Variants in TTC28 observed in about 807,000 individuals in gnomAD.
The protein encoded by TTC28 is tetratricopeptide repeat protein 28.
A neutral mutation model predicts 198.0 loss-of-function variants in TTC28; 61 were observed. The ratio of observed to expected loss-of-function variants is 0.31; its 90% CI spans 0.25 to 0.38. The LOEUF is 0.38. TTC28 is among the 10% of genes least tolerant of loss of function. The pLI is 1.00. For missense variants in TTC28, 2,678 were observed against 3,164.0 expected, an observed-to-expected ratio of 0.85 and a Z score of 3.69; for synonymous variants, 1,171 against 1,297.8, an observed-to-expected ratio of 0.90 and a Z score of 2.10.
At chr22:28,677,556 T>A (rs1206013294) in intron 1 of TTC28, among the ~76,000 whole-genome samples, 1 of 152,088 alleles carries the variant, frequency 6.6e-6, no homozygotes, top group Non-Finnish European at 1.5e-5. Context: ...TTAGAATCGC[T>A]GGAATCTGGG....
chr22:28,086,093 A>G (rs1200605926), intron 12 of TTC28, among the ~76,000 whole-genome samples: 1 of 152,128 alleles, frequency 6.6e-6, no homozygotes, highest in African/African-American at 2.4e-5. Flanking sequence ...TGTCAACATT[A>G]GACAGATCAA....
intron 2 of TTC28, among the ~76,000 whole-genome samples, chr22:28,487,878 G>A (rs1240027561): frequency 2.6e-5 from 4 of 152,118 alleles, no homozygotes; most frequent in Non-Finnish European, 5.9e-5. Context: ...TTATTGCTAT[G>A]GAGATTAAGT....
chr22:28,225,216 G>A (rs966483362), intron 5 of TTC28, among the ~76,000 whole-genome samples: 7 of 151,912 alleles, frequency 4.6e-5, no homozygotes, highest in East Asian at 3.9e-4. Flanking sequence ...TTGGCCAGGC[G>A]TGATGGTGCA....
At chr22:28,528,443 G>A (rs887545626) in intron 2 of TTC28, among the ~76,000 whole-genome samples, 5 of 151,948 alleles carry the variant, frequency 3.3e-5, no homozygotes, top group African/African-American at 9.7e-5. Context: ...TAAAAACCCA[G>A]TGTAGGCCAG....
At chr22:28,040,512 A>G (rs2146670576) in intron 12 of TTC28, among the ~76,000 whole-genome samples, 1 of 152,328 alleles carries the variant, frequency 6.6e-6, no homozygotes, top group African/African-American at 2.4e-5. Context: ...AGATGCATGA[A>G]AGGCCTTTGA....
chr22:28,494,236 T>C (rs1398127073), intron 2 of TTC28, among the ~76,000 whole-genome samples: 3 of 152,190 alleles, frequency 2.0e-5, no homozygotes, highest in African/African-American at 7.2e-5. Context: ...CTTGAGTCTG[T>C]ACTCCACTCT....
intron 2 of TTC28, among the ~76,000 whole-genome samples, chr22:28,415,917 C>T (rs997498637): frequency 2.0e-5 from 3 of 152,266 alleles, no homozygotes; most frequent in Middle Eastern, 3.4e-3. Flanking sequence ...TTTTAAAATA[C>T]TAAATGTATA....
chr22:28,281,834 G>GAATCTGTCCTCATATGCC (rs1460789830), intron 5 of TTC28, among the ~76,000 whole-genome samples: 3 of 152,238 alleles, frequency 2.0e-5, no homozygotes, highest in African/African-American at 7.2e-5. Context: ...GAGTTGCTTG[G>GAATCTGTCCTCATATGCC]AATCTGTCCT....
At chr22:28,197,528 T>G (rs1365265028) in intron 5 of TTC28, among the ~76,000 whole-genome samples, 1 of 152,156 alleles carries the variant, frequency 6.6e-6, no homozygotes, top group East Asian at 1.9e-4. Flanking sequence ...GATTACTTCA[T>G]CTCTAAAATG....
intron 2 of TTC28, among the ~76,000 whole-genome samples, chr22:28,593,457 A>C (rs575786075): frequency 2.1e-5 from 3 of 145,706 alleles, no homozygotes; most frequent in African/African-American, 5.1e-5. Context: ...AGATAGGTAG[A>C]TAGGTAGGTA....
chr22:28,364,730 A>T (rs779639134), intron 2 of TTC28, among the ~76,000 whole-genome samples: 1 of 152,216 alleles, frequency 6.6e-6, no homozygotes, highest in Non-Finnish European at 1.5e-5. Context: ...CAAGAGAACT[A>T]GAATTAGAAG....
chr22:28,089,092 G>C (rs1236333008), intron 12 of TTC28, among the ~76,000 whole-genome samples: 1 of 152,164 alleles, frequency 6.6e-6, no homozygotes, highest in African/African-American at 2.4e-5. Context: ...CAACCATTGT[G>C]GAAGTCAGTG....
intron 2 of TTC28, among the ~76,000 whole-genome samples, chr22:28,452,064 A>C (rs2047786042): frequency 2.0e-5 from 3 of 152,012 alleles, no homozygotes; most frequent in Admixed American, 1.3e-4. Flanking sequence ...AAGATGCTTG[A>C]AGTGGGGGCT....
chr22:28,502,020 GT>G (rs1388709773), intron 2 of TTC28, among the ~76,000 whole-genome samples: 1 of 152,106 alleles, frequency 6.6e-6, no homozygotes, highest in Non-Finnish European at 1.5e-5. Flanking sequence ...AAAAGCATAT[GT>G]TTTTTCCATC....
chr22:28,225,139 G>A (rs549924152), intron 5 of TTC28, among the ~76,000 whole-genome samples: 24 of 152,116 alleles, frequency 1.6e-4, no homozygotes, highest in South Asian at 6.2e-4. Flanking sequence ...TTGGGAGGCC[G>A]AGGTCAGGAG....
At chr22:27,987,315 T>C (rs1056614060) in intron 21 of TTC28, among the ~76,000 whole-genome samples, 1 of 152,172 alleles carries the variant, frequency 6.6e-6, no homozygotes, top group Non-Finnish European at 1.5e-5. Context: ...TCTGTACTAT[T>C]CTTGATGTAT....
At chr22:28,552,859 G>A (rs185413154) in intron 2 of TTC28, among the ~76,000 whole-genome samples, 2,998 of 144,064 alleles carry the variant, frequency 0.021, 34 homozygotes, top group Admixed American at 0.028. Flanking sequence ...CTGTACTGCC[G>A]CCATCTCAGC....
chr22:28,071,590 G>C (rs990535812), intron 12 of TTC28, among the ~76,000 whole-genome samples: 1 of 149,780 alleles, frequency 6.7e-6, no homozygotes, highest in Non-Finnish European at 1.5e-5. Flanking sequence ...GGTGGGGTGG[G>C]GGGGAGCGGG....
intron 5 of TTC28, among the ~76,000 whole-genome samples, chr22:28,270,287 T>A (rs1199378179): frequency 1.3e-5 from 2 of 152,170 alleles, no homozygotes; most frequent in African/African-American, 4.8e-5. Context: ...CTGTATTTTT[T>A]AAAAAGAGCA....
Sources: gnomAD v4.1 joint callset for allele counts (sites outside exome capture counted in the v4.1 genomes callset) on GRCh38, gnomAD v4.1.1 for gene constraint, MANE v1.5 for transcripts, NCBI Gene and HGNC (gene_info 2026-07-23, HGNC 2026-07-21) for gene names.